The following PFKFB4 variants were observed in gnomAD, a reference collection of about 807,000 sequenced individuals.
The protein encoded by PFKFB4 is 6-phosphofructo-2-kinase/fructose-2,6-biphosphatase 4, also known as 6-phosphofructo-2-kinase/fructose-2,6-bisphosphatase 4.
A neutral mutation model predicts 62.8 loss-of-function variants in PFKFB4; 42 were observed. The ratio of observed to expected loss-of-function variants is 0.67; its 90% CI spans 0.52 to 0.86. The LOEUF (loss-of-function observed/expected upper bound fraction) is 0.86, where lower values mean the gene tolerates loss of function less well. Among genes scored for constraint, PFKFB4 ranks in the 40% least tolerant of loss-of-function variants. The pLI is 0.00. For synonymous variants in PFKFB4, 204 were observed against 240.7 expected (o/e 0.85, Z 1.41); for missense variants, 475 against 627.2 (o/e 0.76, Z 2.59).
At chr3:48,542,159 C>A (rs60364389) in intron 4 of PFKFB4, among the ~76,000 whole-genome samples, 2,705 of 151,728 alleles carry the variant, frequency 0.018, 72 homozygotes, top group African/African-American at 0.062. Flanking sequence ...ATGGTGAAAC[C>A]CCATCTCTAC....
At chr3:48,562,056 C>A (rs961841520), upstream of PFKFB4, 3 of 152,300 alleles carry the variant, frequency 2.0e-5, no homozygotes, top group African/African-American at 7.2e-5. The surrounding 1 kb of genome is among the most constrained non-coding windows in gnomAD (Gnocchi z 4.3). Context: ...GCACCCACTC[C>A]TCTCAGACCC....
intron 4 of PFKFB4, among the ~76,000 whole-genome samples, chr3:48,540,455 C>A (rs768308309): frequency 6.6e-6 from 1 of 152,110 alleles, no homozygotes; most frequent in African/African-American, 2.4e-5. Flanking sequence ...AGGCCCAGGC[C>A]CCCTTCCCAA....
Position 48,556,677 on chromosome 3 carries a change from T to C in PFKFB4, c.97+4A>G. ...CCACCTCCTCCCAGAGGACCCCGCC[T>C]CACCACCGCGCTGGCAAGCGTGCAG... On this transcript the variant is annotated splice_donor_region_variant and intron_variant, in intron 1 of 13. Coordinates refer to ENST00000232375, the MANE Select transcript of PFKFB4 (RefSeq NM_004567.4). The surrounding 1 kb of genome is among the most constrained non-coding windows in gnomAD (Gnocchi z 5.7). 1 of 1,404,642 alleles carries C rather than the reference T, an allele frequency of 7.1e-7. No individual in the cohort carries two copies. The highest frequency in any genetic ancestry group is 1.6e-5 in the African/African-American group (1 of 62,690). 87.0% of individuals were successfully genotyped at this position (1,404,642 alleles called of 1,614,324 possible).
intron 4 of PFKFB4, among the ~76,000 whole-genome samples, chr3:48,540,438 G>A (rs921719185): frequency 1.3e-5 from 2 of 152,162 alleles, no homozygotes; most frequent in Non-Finnish European, 1.5e-5. Context: ...TGATAAAGAA[G>A]AGCTGGAGGC....
chr3:48,556,624 G>GC lies in PFKFB4; in HGVS notation c.97+56dup. On this transcript the variant is annotated intron_variant, in intron 1 of 13. Coordinates refer to ENST00000232375, the MANE Select transcript of PFKFB4 (RefSeq NM_004567.4). The surrounding 1 kb of genome is among the most constrained non-coding windows in gnomAD (Gnocchi z 5.7). ...TCCATGCGAGACCCCCGCCCAGGCC[G>GC]CCCTACCCACCCATCCCGGTGCACC... 1.1e-5 allele frequency: 13 copies of GC among 1,199,320 alleles called. No homozygotes were observed. Among genetic ancestry groups the GC allele is most frequent in the Non-Finnish European group, 1.4e-5 (12 of 870,906 alleles). 74.3% of individuals were successfully genotyped at this position (1,199,320 alleles called of 1,614,324 possible).
At chr3:48,556,852 G>A, upstream of PFKFB4, 2 of 1,485,082 alleles carry the variant, frequency 1.3e-6, no homozygotes, top group Non-Finnish European at 1.8e-6. This position sits in a 1 kb window ranked among gnomAD's most constrained non-coding sequence, Gnocchi z 5.7. Context: ...CCGAGGTCCC[G>A]CCCCTTGGGC....
rs77892771 is a variant in PFKFB4 at position 48,532,004 on chromosome 3, C to T, written c.987+3508G>A. Reference sequence around the variant, plus strand: ...TGCTATGGGAAACAGTACAGCAGTTCCTCAAAAAAATAAAAACAGAGGCCG... The same window carrying T: ...TGCTATGGGAAACAGTACAGCAGTTTCTCAAAAAAATAAAAACAGAGGCCG... On this transcript the variant is annotated intron_variant, in intron 9 of 13. Transcript: ENST00000232375. Among the ~76,000 whole-genome samples the T allele has an allele frequency of 3.6e-3, 555 of 152,184 alleles. 3 individuals are homozygous for T. The highest frequency in any genetic ancestry group is 0.013 in the African/African-American group (538 of 41,542).
upstream of PFKFB4, chr3:48,563,088 T>C (rs1244890647): frequency 6.2e-7 from 1 of 1,611,166 alleles, no homozygotes; most frequent in Admixed American, 1.7e-5. This position sits in a 1 kb window ranked among gnomAD's most constrained non-coding sequence, Gnocchi z 4.5. Flanking sequence ...CTGCCCAACA[T>C]CAGGACCATC....
At chr3:48,529,261 C>T (rs768739249) in intron 9 of PFKFB4, among the ~76,000 whole-genome samples, 1 of 151,900 alleles carries the variant, frequency 6.6e-6, no homozygotes, top group Non-Finnish European at 1.5e-5. Flanking sequence ...CTCAATAAAG[C>T]TATCATTTTT....
In PFKFB4 at chr3:48,556,230, A is replaced by C. The variant is rs2043311398; in HGVS notation, c.97+451T>G. On this transcript the variant is annotated intron_variant, in intron 1 of 13. Coordinates refer to ENST00000232375, the MANE Select transcript of PFKFB4 (RefSeq NM_004567.4). This position sits in a 1 kb window ranked among gnomAD's most constrained non-coding sequence, Gnocchi z 5.7. ...GTTGGAAAACTAGCCCACCTTTGAA[A>C]GTTCTGGGCTCAGAGAGGCCAAGTA... is the stretch of plus-strand genomic sequence containing the variant. The C allele has an allele frequency of 4.3e-6, 2 of 463,972 alleles. No homozygotes were observed. The highest frequency in any genetic ancestry group is 8.6e-6 in the Non-Finnish European group (2 of 232,150). The allele number at this position is 463,972 out of a possible 1,614,324, so 28.7% of individuals were successfully genotyped here. A position where few individuals can be genotyped will look rare whatever the true frequency, so the allele number is the denominator to read the frequency against.
intron 10 of PFKFB4, among the ~76,000 whole-genome samples, chr3:48,524,773 A>G (rs963483717): frequency 2.6e-5 from 4 of 152,060 alleles, no homozygotes; most frequent in Non-Finnish European, 1.5e-5. Context: ...ATATGTGTAC[A>G]TATGTGTGTT....
In PFKFB4 at chr3:48,519,322, A is replaced by G. The variant is rs2042015649; in HGVS notation, c.*425T>C. 6.3e-6 allele frequency: 1 copy of G among 157,822 alleles called. No individual in the cohort carries two copies. Among genetic ancestry groups the G allele is most frequent in the Admixed American group, 6.4e-5 (1 of 15,702 alleles). 9.8% of individuals were successfully genotyped at this position (157,822 alleles called of 1,614,324 possible). ...AGGAAGTGGCCACAGAGAGGATGGT[A>G]GAGGCCCTGTGGAGAGTCACCAGGT... is the stretch of plus-strand genomic sequence containing the variant. On this transcript the variant is annotated 3_prime_UTR_variant, in exon 14 of 14. Coordinates refer to ENST00000232375, the MANE Select transcript of PFKFB4 (RefSeq NM_004567.4).
In PFKFB4 at chr3:48,556,440, G is replaced by A. The variant is rs1575407126; in HGVS notation, c.97+241C>T. Among the ~76,000 whole-genome samples, 1 of 152,144 alleles carries A rather than the reference G, an allele frequency of 6.6e-6. No homozygotes were observed. Among genetic ancestry groups the A allele is most frequent in the African/African-American group, 2.4e-5 (1 of 41,504 alleles). ...GTGATGGTGGCCAGACCTAGCCACC[G>A]CCAAGCCGATATGCCCCCACACACC... On this transcript the variant is annotated intron_variant, in intron 1 of 13. Coordinates refer to ENST00000232375, the MANE Select transcript of PFKFB4 (RefSeq NM_004567.4). The surrounding 1 kb of genome is among the most constrained non-coding windows in gnomAD (Gnocchi z 5.7).
In PFKFB4 at chr3:48,556,069, C is replaced by T. The variant is rs1414702423; in HGVS notation, c.97+612G>A. 1 of 456,694 alleles carries T rather than the reference C, an allele frequency of 2.2e-6. No individual in the cohort carries two copies. Among genetic ancestry groups the T allele is most frequent in the Non-Finnish European group, 4.4e-6 (1 of 226,930 alleles). 28.3% of individuals were successfully genotyped at this position (456,694 alleles called of 1,614,324 possible). A position where few individuals can be genotyped will look rare whatever the true frequency, so the allele number is the denominator to read the frequency against. ...TCCAGTTTTACTGTACACCCATGAC[C>T]CCAGGTGGATACTTACATGTCCCGG... On this transcript the variant is annotated intron_variant, in intron 1 of 13. Coordinates refer to ENST00000232375, the MANE Select transcript of PFKFB4 (RefSeq NM_004567.4). The surrounding 1 kb of genome is among the most constrained non-coding windows in gnomAD (Gnocchi z 5.7).
chr3:48,525,155 A>G (rs1043501992), intron 10 of PFKFB4, among the ~76,000 whole-genome samples: 3 of 152,216 alleles, frequency 2.0e-5, no homozygotes, highest in Non-Finnish European at 4.4e-5. Flanking sequence ...AGGGCTGACA[A>G]CTCGCTGGGA....
upstream of PFKFB4, chr3:48,561,451 A>C (rs953012032): frequency 6.3e-6 from 1 of 158,268 alleles, no homozygotes; most frequent in Non-Finnish European, 1.4e-5. The surrounding 1 kb of genome is among the most constrained non-coding windows in gnomAD (Gnocchi z 5.2). Context: ...CACTGCCTGG[A>C]AAGTCAGTTC....
chr3:48,559,642 G>C (rs1248804073), upstream of PFKFB4: 4 of 456,514 alleles, frequency 8.8e-6, no homozygotes, highest in Middle Eastern at 9.8e-4. Context: ...AAGTGAGCCA[G>C]CTGTTCTGTC....
intron 4 of PFKFB4, 104 bp downstream of exon 4, chr3:48,543,476 C>T: frequency 9.5e-7 from 1 of 1,052,176 alleles, no homozygotes; most frequent in Non-Finnish European, 1.4e-6. Flanking sequence ...GCAGCTGGGG[C>T]ACACACACCC....
In PFKFB4 at chr3:48,539,277, C is replaced by A. The variant is rs1385535717; in HGVS notation, c.487G>T (p.Glu163Ter). 6.2e-7 allele frequency: 1 copy of A among 1,614,082 alleles called. No individual in the cohort carries two copies. The highest frequency in any genetic ancestry group is 1.1e-5 in the South Asian group (1 of 91,066). Residue 163 changes from glutamate (E) to a stop codon, truncating the protein, a stop_gained, in exon 6 of 14, where the codon GAG becomes TAG. Transcript: ENST00000232375. LOFTEE classifies it high-confidence loss of function. ...ACCACGATGTTGGCAGCTATGACCT[C>A]AGGATCCACACAGATGGACTCGACA... ...FFVESICVDPEVIAANIVQVK... is the reference protein window; with the variant it reads ...FFVESICVDP
Sources: allele counts gnomAD v4.1 joint callset (sites outside exome capture counted in the v4.1 genomes callset), GRCh38; gene constraint gnomAD v4.1.1; non-coding constraint Gnocchi (gnomAD v3.1); transcripts MANE v1.5; gene names NCBI Gene and HGNC (gene_info 2026-07-23, HGNC 2026-07-21).